MGMT: variants seen among roughly 807,000 people sequenced by gnomAD.
MGMT encodes the protein methylated-DNA--protein-cysteine methyltransferase.
MGMT carries 14 observed loss-of-function variants against 15.9 expected under a neutral mutation model. That is an observed-to-expected ratio of 0.88 (90% CI 0.58 to 1.37). The LOEUF (loss-of-function observed/expected upper bound fraction) is 1.37, where lower values mean the gene tolerates loss of function less well. MGMT is among the 40% of genes most tolerant of loss of function. The probability of loss-of-function intolerance (pLI) is 0.00; values close to 1 mark genes in which losing one functional copy is unlikely to be tolerated. For missense variants in MGMT, 282 were observed against 268.1 expected (o/e 1.05, Z -0.36); for synonymous variants, 130 against 118.2 (o/e 1.10, Z -0.65).
intron 1 of MGMT, among the ~76,000 whole-genome samples, chr10:129,500,320 G>A (rs542387488): frequency 6.6e-6 from 1 of 152,302 alleles, no homozygotes; most frequent in African/African-American, 2.4e-5. Flanking sequence ...TGGGCCATGG[G>A]GGGCTGCCTC....
chr10:129,580,851 C>G (rs1016144697), intron 2 of MGMT, among the ~76,000 whole-genome samples: 3 of 152,316 alleles, frequency 2.0e-5, no homozygotes, highest in South Asian at 4.1e-4. Context: ...TTGCAAACAT[C>G]GTTTGTTGAG....
rs10543851 is a variant in MGMT at position 129,646,719 on chromosome 10, AATATATATATATAT to A, written c.126-61153_126-61140del. 1.5e-3 allele frequency among the ~76,000 whole-genome samples: 125 copies of A among 81,700 alleles called. 5 individuals carry two copies. Among genetic ancestry groups the A allele is most frequent in the African/African-American group, 5.5e-3 (116 of 21,086 alleles). 53.6% of individuals were successfully genotyped at this position (81,700 alleles called of 152,430 possible). The stretch of plus-strand genomic sequence containing the variant: ...TTCCAGAAGCCTGCTGCCCATCAGA[AATATATATATATAT>A]ATATATATATATATATATATATTTT... On this transcript the variant is annotated intron_variant, in intron 2 of 4. Transcript: ENST00000651593.
chr10:129,590,449 A>T (rs1037412649), intron 2 of MGMT, among the ~76,000 whole-genome samples: 2 of 152,228 alleles, frequency 1.3e-5, no homozygotes, highest in African/African-American at 2.4e-5. Context: ...GAGACTGGAT[A>T]CAATGTGAGC....
chr10:129,609,901 A>C (rs1240029815), intron 2 of MGMT, among the ~76,000 whole-genome samples: 1 of 152,130 alleles, frequency 6.6e-6, no homozygotes, highest in African/African-American at 2.4e-5. Flanking sequence ...AAGGCCCGGG[A>C]GCTTGGCAGC....
intron 2 of MGMT, among the ~76,000 whole-genome samples, chr10:129,587,373 T>C (rs1230568276): frequency 6.6e-6 from 1 of 151,018 alleles, no homozygotes; most frequent in African/African-American, 2.4e-5. Context: ...GTTTTTGAGT[T>C]CACTAATCTT....
chr10:129,514,919 C>T (rs1443560090), intron 1 of MGMT, among the ~76,000 whole-genome samples: 1 of 152,208 alleles, frequency 6.6e-6, no homozygotes, highest in Non-Finnish European at 1.5e-5. Flanking sequence ...CCGGAGATGG[C>T]CTTGCCCCTC....
At chr10:129,607,919 C>T (rs1023950966) in intron 2 of MGMT, among the ~76,000 whole-genome samples, 12 of 152,184 alleles carry the variant, frequency 7.9e-5, no homozygotes, top group African/African-American at 2.7e-4. Context: ...CCTGCCCCCT[C>T]GTACCGTGTT....
chr10:129,644,228 C>T (rs1340587659), intron 2 of MGMT, among the ~76,000 whole-genome samples: 2 of 152,216 alleles, frequency 1.3e-5, no homozygotes, highest in African/African-American at 4.8e-5. Context: ...ACACCCAGCA[C>T]CTGTAACTCT....
At chr10:129,603,339 C>T (rs1564865579) in intron 2 of MGMT, among the ~76,000 whole-genome samples, 1 of 152,298 alleles carries the variant, frequency 6.6e-6, no homozygotes, top group Admixed American at 6.5e-5. Flanking sequence ...AGATGATTAG[C>T]AAGTGAGATT....
intron 1 of MGMT, among the ~76,000 whole-genome samples, chr10:129,516,599 A>T (rs891583359): frequency 6.6e-6 from 1 of 152,214 alleles, no homozygotes; most frequent in African/African-American, 2.4e-5. Flanking sequence ...TACTGTAAAG[A>T]ATTCCTCTTC....
intron 3 of MGMT, among the ~76,000 whole-genome samples, chr10:129,738,804 T>C (rs1848596192): frequency 6.6e-6 from 1 of 152,216 alleles, no homozygotes. Context: ...ACTCATTTTA[T>C]GAGGCCAGCA....
chr10:129,562,346 G>A (rs1846290766), intron 2 of MGMT, among the ~76,000 whole-genome samples: 1 of 152,148 alleles, frequency 6.6e-6, no homozygotes, highest in South Asian at 2.1e-4. Context: ...CTCCATCCGG[G>A]GATTTGATTG....
Position 129,532,274 on chromosome 10 carries a change from G to T in MGMT, c.-12-3967G>T, listed in dbSNP as rs1398339371. Reference sequence around the variant, plus strand: ...AGGGTCCCTTGGGCCAGCAGCTGGGGTCCTTGGGCATTTCCTGGGTGGCGG... The same window carrying T: ...AGGGTCCCTTGGGCCAGCAGCTGGGTTCCTTGGGCATTTCCTGGGTGGCGG... On this transcript the variant is annotated intron_variant, in intron 1 of 4. Coordinates refer to ENST00000651593, the MANE Select transcript of MGMT (RefSeq NM_002412.5). This position sits in a 1 kb window ranked among gnomAD's most constrained non-coding sequence, Gnocchi z 5.3. 3.3e-5 allele frequency among the ~76,000 whole-genome samples: 5 copies of T among 152,230 alleles called. No homozygotes were observed. Among genetic ancestry groups the T allele is most frequent in the Non-Finnish European group, 7.3e-5 (5 of 68,044 alleles).
At chr10:129,481,454 T>C (rs1392822766) in intron 1 of MGMT, among the ~76,000 whole-genome samples, 1 of 152,212 alleles carries the variant, frequency 6.6e-6, no homozygotes, top group African/African-American at 2.4e-5. Flanking sequence ...GAGGGCAATC[T>C]TGCACTCATA....
In MGMT at chr10:129,626,071, G is replaced by C. The variant is rs1260172721; in HGVS notation, c.126-81824G>C. 2.0e-5 allele frequency among the ~76,000 whole-genome samples: 3 copies of C among 152,232 alleles called. No individual in the cohort carries two copies. The East Asian group carries it at 5.8e-4, about 29-fold the overall frequency. ...GAACCTGAGGCTGCCTTCCTGGGCA[G>C]AGTGGCGATTTGTACTGGGCCAACG... On this transcript the variant is annotated intron_variant, in intron 2 of 4. Transcript: ENST00000651593.
chr10:129,565,373 AT>A (rs1846342680), intron 2 of MGMT, among the ~76,000 whole-genome samples: 1 of 152,140 alleles, frequency 6.6e-6, no homozygotes, highest in African/African-American at 2.4e-5. Flanking sequence ...TTTGAATAAT[AT>A]GCAGTAGATA....
At chr10:129,522,239 A>C (rs1048151785) in intron 1 of MGMT, among the ~76,000 whole-genome samples, 1 of 152,210 alleles carries the variant, frequency 6.6e-6, no homozygotes, top group African/African-American at 2.4e-5. Context: ...GAATGCACCA[A>C]GGAATGCCTG....
At chr10:129,472,496 T>C (rs1209026017) in intron 1 of MGMT, among the ~76,000 whole-genome samples, 2 of 152,032 alleles carry the variant, frequency 1.3e-5, no homozygotes, top group African/African-American at 4.8e-5. Flanking sequence ...CCAATCCGAA[T>C]CTGTATTTTG....
intron 1 of MGMT, among the ~76,000 whole-genome samples, chr10:129,500,760 A>C (rs1845566927): frequency 6.6e-6 from 1 of 152,118 alleles, no homozygotes; most frequent in Admixed American, 6.5e-5. Context: ...CATGTTGCCC[A>C]GACTGGTCTT....
Sources: allele counts gnomAD v4.1 joint callset (sites outside exome capture counted in the v4.1 genomes callset), GRCh38; gene constraint gnomAD v4.1.1; non-coding constraint Gnocchi (gnomAD v3.1); transcripts MANE v1.5; gene names NCBI Gene and HGNC (gene_info 2026-07-23, HGNC 2026-07-21).